RALGPS1: variants seen among roughly 807,000 people sequenced by gnomAD.
RALGPS1 encodes the protein ras-specific guanine nucleotide-releasing factor RalGPS1.
In RALGPS1, 19 loss-of-function variants were observed where a neutral mutation model predicts 78.8. The ratio of observed to expected loss-of-function variants is 0.24; its 90% CI spans 0.17 to 0.35. The LOEUF is 0.35. RALGPS1 is among the 10% of genes least tolerant of loss of function. The probability of loss-of-function intolerance (pLI) is 1.00; values close to 1 mark genes in which losing one functional copy is unlikely to be tolerated. For synonymous variants in RALGPS1, 228 were observed against 256.3 expected (o/e 0.89, Z 1.06); for missense variants, 454 against 688.3 (o/e 0.66, Z 3.81).
At chr9:127,075,109 A>G (rs1396652973) in intron 8 of RALGPS1, among the ~76,000 whole-genome samples, 8 of 152,126 alleles carry the variant, frequency 5.3e-5, no homozygotes, top group Non-Finnish European at 1.2e-4. Flanking sequence ...TGATCACCTC[A>G]TCTCAGCTGC....
chr9:126,938,576 G>A (rs569533250), intron 1 of RALGPS1, among the ~76,000 whole-genome samples: 18 of 152,300 alleles, frequency 1.2e-4, no homozygotes, highest in African/African-American at 4.1e-4. Context: ...GGAAGGGGGA[G>A]GGCGTACAAG....
At chr9:127,204,751 AT>A (rs993405275) in intron 14 of RALGPS1, among the ~76,000 whole-genome samples, 1 of 152,220 alleles carries the variant, frequency 6.6e-6, no homozygotes, top group African/African-American at 2.4e-5. Context: ...TGGTGGGATC[AT>A]CCGACATCCT....
chr9:126,960,190 C>CCCTT (rs1385185838), intron 1 of RALGPS1, among the ~76,000 whole-genome samples: 4 of 78,566 alleles, frequency 5.1e-5, no homozygotes, highest in African/African-American at 5.7e-5. Flanking sequence ...CTCCCTCCCT[C>CCCTT]CCTTCCTTCC....
At chr9:126,960,219 C>CCCTCCCTCCCTCCCTT (rs1554765760) in intron 1 of RALGPS1, among the ~76,000 whole-genome samples, 1 of 85,754 alleles carries the variant, frequency 1.2e-5, no homozygotes. Flanking sequence ...CTCCCTCCCT[C>CCCTCCCTCCCTCCCTT]CCTTCCTTCC....
At chr9:127,132,676 C>T (rs906562689) in intron 8 of RALGPS1, among the ~76,000 whole-genome samples, 1 of 152,206 alleles carries the variant, frequency 6.6e-6, no homozygotes, top group African/African-American at 2.4e-5. Context: ...CTGGGCCTGC[C>T]CTTCCCAGCT....
At chr9:127,100,316 C>T (rs1158391875) in intron 8 of RALGPS1, among the ~76,000 whole-genome samples, 1 of 152,148 alleles carries the variant, frequency 6.6e-6, no homozygotes, top group Non-Finnish European at 1.5e-5. Context: ...TGAGGCCTCT[C>T]AAGTAAGAGC....
intron 1 of RALGPS1, among the ~76,000 whole-genome samples, chr9:126,925,829 G>A (rs906767499): frequency 6.6e-6 from 1 of 152,190 alleles, no homozygotes; most frequent in Non-Finnish European, 1.5e-5. Flanking sequence ...GGGCCTTTAA[G>A]CTGACACCTG....
chr9:127,072,735 A>G (rs992700903), intron 8 of RALGPS1, among the ~76,000 whole-genome samples: 10 of 152,210 alleles, frequency 6.6e-5, no homozygotes, highest in African/African-American at 2.2e-4. Context: ...ATCCAGAAAG[A>G]AATATATGTT....
intron 8 of RALGPS1, among the ~76,000 whole-genome samples, chr9:127,129,473 C>CTGTGGT (rs2056858552): frequency 2.0e-5 from 3 of 152,206 alleles, no homozygotes; most frequent in African/African-American, 7.2e-5. Context: ...TACACAGGTA[C>CTGTGGT]CTGCTGAAAT....
intron 14 of RALGPS1, among the ~76,000 whole-genome samples, chr9:127,199,804 G>A (rs1017255627): frequency 2.6e-5 from 4 of 152,228 alleles, no homozygotes. Flanking sequence ...GCATCGTGGC[G>A]ACTCAGGGTT....
intron 8 of RALGPS1, among the ~76,000 whole-genome samples, chr9:127,072,912 A>G (rs11794977): frequency 0.38 from 57,886 of 151,896 alleles, 12,737 homozygotes; most frequent in Non-Finnish European, 0.48. Flanking sequence ...CATCTATTTT[A>G]TTTTTCATTT....
intron 3 of RALGPS1, among the ~76,000 whole-genome samples, chr9:126,968,280 C>T (rs753257582): frequency 6.6e-6 from 1 of 152,170 alleles, no homozygotes; most frequent in Non-Finnish European, 1.5e-5. Context: ...GTTGGGATTA[C>T]AGGCATGAGC....
At chr9:126,943,084 A>C (rs1300776792) in intron 1 of RALGPS1, among the ~76,000 whole-genome samples, 1 of 152,046 alleles carries the variant, frequency 6.6e-6, no homozygotes, top group Non-Finnish European at 1.5e-5. Flanking sequence ...ATTCTTAATA[A>C]TTTATAGTTC....
chr9:127,109,658 A>T (rs2054601780), intron 8 of RALGPS1, among the ~76,000 whole-genome samples: 1 of 152,230 alleles, frequency 6.6e-6, no homozygotes, highest in Admixed American at 6.5e-5. Flanking sequence ...CTTTCACCAG[A>T]TGTTGATTGA....
At chr9:126,918,387 A>C (rs1280754370) in intron 1 of RALGPS1, among the ~76,000 whole-genome samples, 2 of 152,154 alleles carry the variant, frequency 1.3e-5, no homozygotes, top group Non-Finnish European at 2.9e-5. Context: ...GCCAGATTGG[A>C]GTGCAGTGGC....
At chr9:127,210,716 C>T in intron 14 of RALGPS1, 1 of 1,550,678 alleles carries the variant, frequency 6.4e-7, no homozygotes. Flanking sequence ...TCTATGCCAC[C>T]CTGGGGCCCA....
chr9:127,175,081 A>G (rs577544238), intron 11 of RALGPS1, among the ~76,000 whole-genome samples: 1 of 152,326 alleles, frequency 6.6e-6, no homozygotes, highest in Admixed American at 6.5e-5. Context: ...AGGTAGAGAA[A>G]GCCCCAGCAT....
intron 1 of RALGPS1, among the ~76,000 whole-genome samples, chr9:126,933,557 A>G (rs993605761): frequency 1.3e-5 from 2 of 152,190 alleles, no homozygotes; most frequent in African/African-American, 4.8e-5. Flanking sequence ...AGGGCCTGCC[A>G]TCAGCCCTGG....
Position 126,992,259 on chromosome 9 carries a change from G to A in RALGPS1, c.216+14514G>A, listed in dbSNP as rs72764346. On this transcript the variant is annotated intron_variant, in intron 4 of 18. Transcript: ENST00000259351. ...AGGACAGCATGAGATTATTTTCAGC[G>A]TTATTGAGGTATAATTTACATATGT... is the stretch of plus-strand genomic sequence containing the variant. 6.2e-3 allele frequency among the ~76,000 whole-genome samples: 943 copies of A among 152,270 alleles called. 4 individuals carry two copies. Among genetic ancestry groups the A allele is most frequent in the Non-Finnish European group, 0.01 (705 of 68,016 alleles).
Sources: gnomAD v4.1 joint callset for allele counts (sites outside exome capture counted in the v4.1 genomes callset) on GRCh38, gnomAD v4.1.1 for gene constraint, MANE v1.5 for transcripts, NCBI Gene and HGNC (gene_info 2026-07-23, HGNC 2026-07-21) for gene names.